Variants in PDE11A observed in about 807,000 individuals in gnomAD.
PDE11A encodes dual 3',5'-cyclic-AMP and -GMP phosphodiesterase 11A.
In PDE11A, 100 loss-of-function variants were observed where a neutral mutation model predicts 100.5. The observed-to-expected ratio is 1.00, with a 90% CI of 0.85 to 1.18. PDE11A has a LOEUF of 1.18. Ranked by LOEUF, PDE11A falls within the 50% of genes most tolerant of loss-of-function variation. PDE11A has a pLI of 0.00. For synonymous variants in PDE11A, 381 were observed against 420.8 expected (o/e 0.91, Z 1.16); for missense variants, 1,141 against 1,152.6 (o/e 0.99, Z 0.15).
At chr2:177,847,988 GTT>G (rs199502284) in intron 5 of PDE11A, among the ~76,000 whole-genome samples, 44 of 146,334 alleles carry the variant, frequency 3.0e-4, no homozygotes, top group South Asian at 1.1e-3. Context: ...TGAATGGTGT[GTT>G]TGTGTGTGTG....
intron 2 of PDE11A, among the ~76,000 whole-genome samples, chr2:177,913,995 T>A (rs1055411956): frequency 9.2e-5 from 14 of 152,274 alleles, no homozygotes; most frequent in Non-Finnish European, 1.5e-4. Flanking sequence ...CCACTAACAG[T>A]AATCAGAGGA....
chr2:177,656,915 G>A (rs1014493502), intron 19 of PDE11A, among the ~76,000 whole-genome samples: 5 of 152,190 alleles, frequency 3.3e-5, no homozygotes, highest in Admixed American at 3.3e-4. Context: ...TGGGCAGGGT[G>A]AAAGGAGATG....
intron 15 of PDE11A, among the ~76,000 whole-genome samples, chr2:177,695,271 A>G (rs1354195472): frequency 1.3e-5 from 2 of 152,158 alleles, no homozygotes; most frequent in Non-Finnish European, 2.9e-5. Flanking sequence ...ATGATCAAGT[A>G]AGGGTATTTA....
intron 5 of PDE11A, among the ~76,000 whole-genome samples, chr2:177,851,705 A>T (rs997650590): frequency 1.3e-5 from 2 of 152,196 alleles, no homozygotes; most frequent in Non-Finnish European, 2.9e-5. Flanking sequence ...ACATCCATAC[A>T]GATGACTCTT....
At chr2:177,764,141 G>A (rs1034414354) in intron 10 of PDE11A, among the ~76,000 whole-genome samples, 3 of 152,180 alleles carry the variant, frequency 2.0e-5, no homozygotes, top group African/African-American at 7.2e-5. Flanking sequence ...TTTTGATGCA[G>A]TCATTCTTAT....
At chr2:177,795,882 T>G in intron 9 of PDE11A, among the ~76,000 whole-genome samples, 1 of 146,532 alleles carries the variant, frequency 6.8e-6, no homozygotes, top group Non-Finnish European at 1.5e-5. Context: ...AGCAAAAGTC[T>G]CCCATGTTGT....
At chr2:177,962,515 T>G (rs1397908188) in intron 2 of PDE11A, among the ~76,000 whole-genome samples, 1 of 152,134 alleles carries the variant, frequency 6.6e-6, no homozygotes, top group Non-Finnish European at 1.5e-5. Flanking sequence ...GTTAATCACA[T>G]GAGATTCTGG....
At chr2:177,998,001 C>A in intron 2 of PDE11A, 1 of 1,220,590 alleles carries the variant, frequency 8.2e-7, no homozygotes, top group Non-Finnish European at 1.2e-6. Context: ...ATGTCACAGA[C>A]CTTGTGGAAT....
At chr2:178,012,475 T>C (rs1363360299) in intron 2 of PDE11A, among the ~76,000 whole-genome samples, 1 of 152,188 alleles carries the variant, frequency 6.6e-6, no homozygotes. Flanking sequence ...GTGAATAGTA[T>C]AGTTGACAGA....
intron 5 of PDE11A, among the ~76,000 whole-genome samples, chr2:177,842,059 T>C (rs2083499933): frequency 6.6e-6 from 1 of 152,266 alleles, no homozygotes; most frequent in South Asian, 2.1e-4. Flanking sequence ...TCTAAGTTTA[T>C]AAAAGGGTAT....
At chr2:178,012,003 T>G (rs1307463279) in intron 2 of PDE11A, 1 of 152,256 alleles carries the variant, frequency 6.6e-6, no homozygotes, top group Non-Finnish European at 1.5e-5. Context: ...TCTGCTTTTC[T>G]CCTTCACCTT....
In PDE11A at chr2:177,945,831, G is replaced by A. The variant is rs2085413319; in HGVS notation, c.1072-40644C>T. Among the ~76,000 whole-genome samples the A allele has an allele frequency of 2.8e-5, 3 of 106,826 alleles. No individual in the cohort carries two copies. The Admixed American group carries it at 3.7e-4, about 13-fold the overall frequency. 70.1% of individuals were successfully genotyped at this position (106,826 alleles called of 152,430 possible). On this transcript the variant is annotated intron_variant, in intron 2 of 19. Coordinates refer to ENST00000286063, the MANE Select transcript of PDE11A (RefSeq NM_016953.4). ...CGTGCCATCCGGGAGGGAGGTGGGG[G>A]GGTCAGCCCCCCGCCTGGCCAGCCG...
chr2:178,084,361 A>G (rs2087322730), intron 2 of PDE11A, among the ~76,000 whole-genome samples: 1 of 152,252 alleles, frequency 6.6e-6, no homozygotes, highest in African/African-American at 2.4e-5. Context: ...AGTCCTAGCT[A>G]TCAAATAATC....
chr2:177,638,648 C>T (rs1244878859), intron 19 of PDE11A, among the ~76,000 whole-genome samples: 3 of 152,140 alleles, frequency 2.0e-5, no homozygotes, highest in Non-Finnish European at 4.4e-5. Context: ...GGAATATAGT[C>T]AGGTTATTTG....
At chr2:177,931,067 A>G (rs903551028) in intron 2 of PDE11A, among the ~76,000 whole-genome samples, 2 of 152,110 alleles carry the variant, frequency 1.3e-5, no homozygotes, top group Non-Finnish European at 2.9e-5. Flanking sequence ...CCTTATAGAT[A>G]CTATGTTTTA....
intron 5 of PDE11A, among the ~76,000 whole-genome samples, chr2:177,843,057 G>T (rs2083516958): frequency 6.6e-6 from 1 of 152,132 alleles, no homozygotes; most frequent in Admixed American, 6.5e-5. Flanking sequence ...GGGAGAAAGA[G>T]AAGAAATTTT....
intron 10 of PDE11A, among the ~76,000 whole-genome samples, chr2:177,757,805 A>G (rs2082111081): frequency 6.6e-6 from 1 of 152,118 alleles, no homozygotes; most frequent in African/African-American, 2.4e-5. Context: ...TCTGTTTTGA[A>G]CTTAGATCCC....
intron 19 of PDE11A, among the ~76,000 whole-genome samples, chr2:177,652,905 A>G (rs6756948): frequency 0.066 from 10,106 of 152,106 alleles, 926 homozygotes; most frequent in African/African-American, 0.21. Context: ...CTATTCTTTC[A>G]TATTGGAGGC....
At chr2:178,037,916 A>G (rs1359586839) in intron 1 of PDE11A, among the ~76,000 whole-genome samples, 1 of 151,852 alleles carries the variant, frequency 6.6e-6, no homozygotes, top group African/African-American at 2.4e-5. Flanking sequence ...CAAATATCTA[A>G]TGCATGGGGG....
Sources: gnomAD v4.1 joint callset for allele counts (sites outside exome capture counted in the v4.1 genomes callset) on GRCh38, gnomAD v4.1.1 for gene constraint, MANE v1.5 for transcripts, NCBI Gene and HGNC (gene_info 2026-07-23, HGNC 2026-07-21) for gene names.